The following PEAK1 variants were observed in gnomAD, a reference collection of about 807,000 sequenced individuals.
PEAK1 encodes pseudopodium enriched atypical kinase 1, also known as inactive tyrosine-protein kinase PEAK1.
Under a neutral mutation model 124.7 loss-of-function variants are expected in PEAK1, and 54 were observed. That is an observed-to-expected ratio of 0.43 (90% CI 0.35 to 0.54). The LOEUF is 0.54. Ranked by LOEUF, PEAK1 falls within the 20% of genes least tolerant of loss-of-function variation. PEAK1 has a pLI of 0.01. For missense variants in PEAK1, 2,046 were observed against 2,134.5 expected, an observed-to-expected ratio of 0.96 and a Z score of 0.82; for synonymous variants, 719 against 760.0, an observed-to-expected ratio of 0.95 and a Z score of 0.89.
At chr15:77,203,425 T>C (rs1196143888) in intron 6 of PEAK1, among the ~76,000 whole-genome samples, 1 of 152,188 alleles carries the variant, frequency 6.6e-6, no homozygotes, top group Non-Finnish European at 1.5e-5. Context: ...AATGATGAAG[T>C]TTTATTCTTG....
chr15:77,250,186 T>TAC (rs2060794042), intron 6 of PEAK1, among the ~76,000 whole-genome samples: 3 of 112,456 alleles, frequency 2.7e-5, no homozygotes, highest in African/African-American at 8.8e-5. Context: ...TATATGTATA[T>TAC]ATATACATAT....
intron 2 of PEAK1, chr15:77,346,219 A>C: frequency 1.1e-6 from 1 of 932,422 alleles, no homozygotes; most frequent in Non-Finnish European, 1.3e-6. Context: ...AATAGAACTA[A>C]GAGTGCCACA....
chr15:77,350,790 T>G (rs1411025212), intron 2 of PEAK1: 1 of 980,942 alleles, frequency 1.0e-6, no homozygotes, highest in Non-Finnish European at 1.2e-6. Flanking sequence ...ACCTATTTTG[T>G]TTTTTATTCA....
chr15:77,281,175 A>AT (rs1431566991), intron 5 of PEAK1, among the ~76,000 whole-genome samples: 1 of 152,186 alleles, frequency 6.6e-6, no homozygotes, highest in Non-Finnish European at 1.5e-5. Context: ...TCAAAAAAAA[A>AT]GTCTATTTCC....
Position 77,115,301 on chromosome 15 carries a change from T to C in PEAK1, c.4096A>G (p.Lys1366Glu), listed in dbSNP as rs1424833847. The C allele has an allele frequency of 1.2e-6, 2 of 1,613,092 alleles. No homozygotes were observed. The highest frequency in any genetic ancestry group is 8.5e-7 in the Non-Finnish European group (1 of 1,179,118). ...CTGTGATAATACTGCTGAGATTCTT[T>C]AGCTTTGCTCTTACAGATCTGAAAG... ...YAVKICKSKA[K>E]ESQQYYHSLA... The change falls in exon 10 of 10, where the codon AAA (lysine) becomes GAA (glutamate). Residue 1366 changes from lysine (K) to glutamate (E), a missense_variant. Physicochemically the swap from Lys to Glu is moderately conservative, Grantham distance 56. Coordinates refer to ENST00000682557, the MANE Select transcript of PEAK1 (RefSeq NM_001385026.1).
Position 77,218,388 on chromosome 15 carries a change from TG to T in PEAK1, c.-115+33978del, listed in dbSNP as rs1206231695. On this transcript the variant is annotated intron_variant, in intron 6 of 9. Transcript: ENST00000682557. ...TTTCTCGCATTTATTGAAATAATCA[TG>T]TTTTTTTTTTGGTCTCCTATATTCT... Among the ~76,000 whole-genome samples, 8 of 152,002 alleles carry T rather than the reference TG, an allele frequency of 5.3e-5. 1 individual carries two copies. In the South Asian group the frequency reaches 6.2e-4, roughly 12 times the overall value.
intron 6 of PEAK1, among the ~76,000 whole-genome samples, chr15:77,187,225 C>T (rs1053780448): frequency 6.6e-6 from 1 of 152,148 alleles, no homozygotes; most frequent in African/African-American, 2.4e-5. Context: ...GATCTAAAAT[C>T]CTATTTCATA....
chr15:77,270,102 T>C (rs1435363337), intron 5 of PEAK1, among the ~76,000 whole-genome samples: 1 of 152,186 alleles, frequency 6.6e-6, no homozygotes, highest in Admixed American at 6.6e-5. Context: ...AATTTTGGAA[T>C]AAATTAGGTA....
At position 77,289,272 on chromosome 15, in the gene PEAK1, G is replaced by A. The variant is rs2063091615; in HGVS notation, c.-602-2768C>T. On this transcript the variant is annotated intron_variant, in intron 2 of 9. Transcript: ENST00000682557. ...CCCCACTGAATTAGCACTTACTGAA[G>A]AACTTTACATAAAATTCTCAAATTA... 2.0e-5 allele frequency among the ~76,000 whole-genome samples: 3 copies of A among 152,204 alleles called. No homozygotes were observed. The South Asian group carries it at 6.2e-4, about 32-fold the overall frequency.
intron 7 of PEAK1, among the ~76,000 whole-genome samples, chr15:77,171,419 A>G (rs555463891): frequency 1.5e-4 from 23 of 152,320 alleles, no homozygotes; most frequent in Middle Eastern, 3.4e-3. Context: ...AAATAATGCC[A>G]GGAACAAATG....
At chr15:77,233,342 C>T (rs138853989) in intron 6 of PEAK1, among the ~76,000 whole-genome samples, 5 of 152,310 alleles carry the variant, frequency 3.3e-5, no homozygotes, top group African/African-American at 4.8e-5. Context: ...TCCCCTAAGA[C>T]CACTGGCTAA....
At chr15:77,376,620 T>C (rs1480810472) in intron 1 of PEAK1, among the ~76,000 whole-genome samples, 2 of 152,224 alleles carry the variant, frequency 1.3e-5, no homozygotes, top group Non-Finnish European at 2.9e-5. Context: ...TACACTTTTC[T>C]GGTTTTCTAA....
chr15:77,308,101 G>A (rs2064209130), intron 2 of PEAK1, among the ~76,000 whole-genome samples: 1 of 152,052 alleles, frequency 6.6e-6, no homozygotes, highest in Non-Finnish European at 1.5e-5. Context: ...GCACAATTGA[G>A]CTTTTCAGGT....
At chr15:77,408,005 GTACACATA>G (rs2072015291) in intron 1 of PEAK1, among the ~76,000 whole-genome samples, 1 of 133,076 alleles carries the variant, frequency 7.5e-6, no homozygotes, top group South Asian at 2.5e-4. Flanking sequence ...ATACACACAC[GTACACATA>G]TACACATATA....
chr15:77,334,884 T>C, intron 2 of PEAK1: 3 of 985,406 alleles, frequency 3.0e-6, no homozygotes, highest in Non-Finnish European at 2.4e-6. Flanking sequence ...TCCTGTCAGA[T>C]TGCTTCCTTT....
intron 2 of PEAK1, among the ~76,000 whole-genome samples, chr15:77,314,787 G>A (rs1054274098): frequency 1.3e-5 from 2 of 152,158 alleles, no homozygotes; most frequent in Non-Finnish European, 2.9e-5. Context: ...AATGATAAAT[G>A]TACAGAGTAA....
At chr15:77,339,119 T>C (rs995936246) in intron 2 of PEAK1, among the ~76,000 whole-genome samples, 1 of 151,930 alleles carries the variant, frequency 6.6e-6, no homozygotes, top group African/African-American at 2.4e-5. Context: ...TTAAGACTTT[T>C]TTTTTTTTTT....
At chr15:77,237,351 T>G (rs1235625565) in intron 6 of PEAK1, among the ~76,000 whole-genome samples, 1 of 152,146 alleles carries the variant, frequency 6.6e-6, no homozygotes, top group Non-Finnish European at 1.5e-5. Flanking sequence ...GGTTTTCATA[T>G]GTAGGGCTCT....
rs543667135 is a variant in PEAK1 at position 77,260,789 on chromosome 15, C to T, written c.-274-8263G>A. On this transcript the variant is annotated intron_variant, in intron 5 of 9. Coordinates refer to ENST00000682557, the MANE Select transcript of PEAK1 (RefSeq NM_001385026.1). ...GAAGAGAGTAGTGGTTCTCCCAGCACGCAGCTTGAGATCTGAGAACGGACA... is the reference window on the plus strand; with the variant it reads ...GAAGAGAGTAGTGGTTCTCCCAGCATGCAGCTTGAGATCTGAGAACGGACA... Among the ~76,000 whole-genome samples, 11 of 152,262 alleles carry T rather than the reference C, an allele frequency of 7.2e-5. No individual in the cohort carries two copies. In the South Asian group the frequency reaches 2.1e-3, roughly 29 times the overall value.
Sources: allele counts gnomAD v4.1 joint callset (sites outside exome capture counted in the v4.1 genomes callset), GRCh38; gene constraint gnomAD v4.1.1; transcripts MANE v1.5; gene names NCBI Gene and HGNC (gene_info 2026-07-23, HGNC 2026-07-21).